STXBP6: variants seen among roughly 807,000 people sequenced by gnomAD.
STXBP6 encodes the protein syntaxin binding protein 6.
In STXBP6, 21 loss-of-function variants were observed where a neutral mutation model predicts 26.9. The observed-to-expected ratio is 0.78, with a 90% CI of 0.55 to 1.12. The LOEUF is 1.12. STXBP6 is among the 50% of genes most tolerant of loss of function. The probability of loss-of-function intolerance (pLI) is 0.00; values close to 1 mark genes in which losing one functional copy is unlikely to be tolerated. For synonymous variants in STXBP6, 97 were observed against 92.6 expected (o/e 1.05, Z -0.27); for missense variants, 232 against 257.9 (o/e 0.90, Z 0.69).
At chr14:24,858,587 A>G (rs2139198004) in intron 2 of STXBP6, among the ~76,000 whole-genome samples, 1 of 152,250 alleles carries the variant, frequency 6.6e-6, no homozygotes, top group Admixed American at 6.5e-5. Flanking sequence ...ATCAGATGAA[A>G]TTTTATAGTC....
At chr14:24,847,408 T>C (rs2068999614) in intron 4 of STXBP6, among the ~76,000 whole-genome samples, 1 of 152,168 alleles carries the variant, frequency 6.6e-6, no homozygotes, top group Non-Finnish European at 1.5e-5. Flanking sequence ...GATTACATCC[T>C]TTTATCTTTT....
At chr14:24,885,535 C>A (rs1328147465) in intron 2 of STXBP6, among the ~76,000 whole-genome samples, 2 of 152,170 alleles carry the variant, frequency 1.3e-5, no homozygotes, top group African/African-American at 4.8e-5. Context: ...CACCAAGGGC[C>A]AGAGAAGAGC....
intron 2 of STXBP6, among the ~76,000 whole-genome samples, chr14:24,879,788 C>G (rs754992388): frequency 2.4e-4 from 37 of 152,040 alleles, no homozygotes; most frequent in Non-Finnish European, 1.8e-4. Flanking sequence ...GGAGTTGCCC[C>G]CTGTGAACAA....
chr14:24,888,686 G>C (rs2070676757), intron 2 of STXBP6, among the ~76,000 whole-genome samples: 1 of 149,720 alleles, frequency 6.7e-6, no homozygotes, highest in Non-Finnish European at 1.5e-5. Context: ...TTGCGTCACT[G>C]TACTCCAGCC....
At chr14:25,016,725 G>T (rs1466701772) in intron 1 of STXBP6, among the ~76,000 whole-genome samples, 2 of 152,110 alleles carry the variant, frequency 1.3e-5, no homozygotes, top group African/African-American at 4.8e-5. Flanking sequence ...ATGTGAAAAG[G>T]ATTGCTGGAA....
intron 2 of STXBP6, among the ~76,000 whole-genome samples, chr14:24,924,261 AT>A (rs1336444461): frequency 6.6e-6 from 1 of 152,088 alleles, no homozygotes; most frequent in East Asian, 1.9e-4. Flanking sequence ...CCACTAACAC[AT>A]TTTGTCTTTT....
chr14:24,957,272 C>T (rs933291930), intron 2 of STXBP6, among the ~76,000 whole-genome samples: 1 of 152,178 alleles, frequency 6.6e-6, no homozygotes, highest in African/African-American at 2.4e-5. Context: ...TATTGAAGGA[C>T]ACTTGTAAGC....
chr14:24,809,592 G>A lies in STXBP6; in HGVS notation c.*3117C>T, dbSNP rs2067765132. ...AGATTTTCCTATTAGCATAAAAAAT[G>A]TGGTGACATGTACTTATTTGGTAGT... On this transcript the variant is annotated 3_prime_UTR_variant, in exon 6 of 6. Transcript: ENST00000323944. 1 of 152,154 alleles carries A rather than the reference G, an allele frequency of 6.6e-6. No individual in the cohort carries two copies. Among genetic ancestry groups the A allele is most frequent in the Non-Finnish European group, 1.5e-5 (1 of 68,024 alleles). 9.4% of individuals were successfully genotyped at this position (152,154 alleles called of 1,614,324 possible). A position where few individuals can be genotyped will look rare whatever the true frequency, so the allele number is the denominator to read the frequency against.
chr14:24,915,945 C>A (rs2071750123), intron 2 of STXBP6, among the ~76,000 whole-genome samples: 1 of 152,092 alleles, frequency 6.6e-6, no homozygotes, highest in South Asian at 2.1e-4. Flanking sequence ...CAGGGTTCAA[C>A]AGACAGATAG....
intron 4 of STXBP6, among the ~76,000 whole-genome samples, chr14:24,853,203 T>C (rs1306090523): frequency 6.6e-6 from 1 of 152,018 alleles, no homozygotes; most frequent in South Asian, 2.1e-4. Context: ...AGATTTCATA[T>C]CCTAAAGATG....
At chr14:24,829,881 T>C (rs973047557) in intron 4 of STXBP6, among the ~76,000 whole-genome samples, 3 of 152,046 alleles carry the variant, frequency 2.0e-5, no homozygotes, top group Non-Finnish European at 4.4e-5. Context: ...GTGTAAAAAA[T>C]ACGTTATAAT....
At chr14:25,012,419 A>T (rs183477674) in intron 1 of STXBP6, among the ~76,000 whole-genome samples, 55 of 152,222 alleles carry the variant, frequency 3.6e-4, no homozygotes, top group African/African-American at 1.3e-3. Flanking sequence ...CGAGGCCAGG[A>T]GTTTGAGACC....
chr14:24,984,000 A>G (rs560482800), intron 1 of STXBP6, among the ~76,000 whole-genome samples: 37 of 152,324 alleles, frequency 2.4e-4, no homozygotes, highest in African/African-American at 8.7e-4. Flanking sequence ...TTGAGAGGCC[A>G]AGGTGGGTGG....
intron 1 of STXBP6, among the ~76,000 whole-genome samples, chr14:25,000,058 T>G (rs1418132733): frequency 6.6e-6 from 1 of 151,984 alleles, no homozygotes; most frequent in African/African-American, 2.4e-5. Context: ...TAGGACACGC[T>G]TCAAATAATT....
At chr14:24,814,117 T>G (rs1192897124) in intron 5 of STXBP6, among the ~76,000 whole-genome samples, 1 of 152,174 alleles carries the variant, frequency 6.6e-6, no homozygotes, top group East Asian at 1.9e-4. Context: ...GTTTGGGAAG[T>G]TCCGAATGTG....
At chr14:25,032,826 A>T (rs2075483768) in intron 1 of STXBP6, among the ~76,000 whole-genome samples, 1 of 152,224 alleles carries the variant, frequency 6.6e-6, no homozygotes, top group Admixed American at 6.5e-5. Context: ...TCTAGCATAA[A>T]GGGAAAAAGA....
At chr14:24,819,460 T>C in intron 4 of STXBP6, 1 of 586,122 alleles carries the variant, frequency 1.7e-6, no homozygotes, top group Non-Finnish European at 3.0e-6. Flanking sequence ...ATTTCCATTC[T>C]GCCAGTATTC....
intron 5 of STXBP6, 42 bp downstream of exon 5, chr14:24,818,995 C>A: frequency 6.6e-7 from 1 of 1,516,660 alleles, no homozygotes; most frequent in South Asian, 1.3e-5. Context: ...TGTAGCTCCC[C>A]AACACCCCAG....
Position 24,897,460 on chromosome 14 carries a change from A to G in STXBP6, c.155-40303T>C, listed in dbSNP as rs1022485460. ...AAAAAAAAGAAAAAGTTTTTTTTAT[A>G]CATCTCCTTTGTTGGCAAAATCTAT... On this transcript the variant is annotated intron_variant, in intron 2 of 5. Coordinates refer to ENST00000323944, the MANE Select transcript of STXBP6 (RefSeq NM_001394410.1). Among the ~76,000 whole-genome samples the G allele has an allele frequency of 2.7e-4, 41 of 150,868 alleles. 2 individuals carry two copies. Among genetic ancestry groups the G allele is most frequent in the African/African-American group, 7.3e-4 (30 of 41,198 alleles).
Sources: allele counts gnomAD v4.1 joint callset (sites outside exome capture counted in the v4.1 genomes callset), GRCh38; gene constraint gnomAD v4.1.1; transcripts MANE v1.5; gene names NCBI Gene and HGNC (gene_info 2026-07-23, HGNC 2026-07-21).